Variants in DCLRE1B observed in about 807,000 individuals in gnomAD.
DCLRE1B encodes 5' exonuclease Apollo.
A neutral mutation model predicts 19.8 loss-of-function variants in DCLRE1B; 6 were observed. That is an observed-to-expected ratio of 0.30 (90% CI 0.17 to 0.60). DCLRE1B has a LOEUF of 0.60. Ranked by LOEUF, DCLRE1B falls within the 20% of genes least tolerant of loss-of-function variation. The pLI is 0.87. For synonymous variants in DCLRE1B, 258 were observed against 255.7 expected (o/e 1.01, Z -0.09); for missense variants, 622 against 654.2 (o/e 0.95, Z 0.54).
At chr1:113,910,471 C>T (rs1428079469) in intron 3 of DCLRE1B, among the ~76,000 whole-genome samples, 1 of 152,108 alleles carries the variant, frequency 6.6e-6, no homozygotes, top group Non-Finnish European at 1.5e-5. Context: ...TTCCCTAACT[C>T]CATCACCTGT....
At position 113,913,167 on chromosome 1, in the gene DCLRE1B, A is replaced by C. The variant is rs1173760452; in HGVS notation, c.*976A>C. ...CTGGCGGGAAGGGGTGGGGGTGTGC[A>C]GTCTGCCCTGTCCTTCTGCTCATAA... On this transcript the variant is annotated 3_prime_UTR_variant, in exon 4 of 4. Transcript: ENST00000650450. 1 of 153,044 alleles carries C rather than the reference A, an allele frequency of 6.5e-6. No homozygotes were observed. Among genetic ancestry groups the C allele is most frequent in the Non-Finnish European group, 1.5e-5 (1 of 68,296 alleles). 9.5% of individuals were successfully genotyped at this position (153,044 alleles called of 1,614,324 possible).
Position 113,911,212 on chromosome 1 carries a change from G to A in DCLRE1B, c.620G>A (p.Arg207His), listed in dbSNP as rs759540122. The A allele has an allele frequency of 9.3e-6, 15 of 1,613,978 alleles. No homozygotes were observed. The highest frequency in any genetic ancestry group is 3.3e-5 in the Admixed American group (2 of 59,996). ...FQTWVVLSPR[R>H]LELVQLLGLA... Reference sequence around the variant, plus strand: ...ACCTGGGTGGTATTGAGTCCTCGGCGCCTGGAGTTGGTACAGCTACTGGGC... The same window carrying A: ...ACCTGGGTGGTATTGAGTCCTCGGCACCTGGAGTTGGTACAGCTACTGGGC... The change falls in exon 4 of 4, where the codon CGC becomes CAC. Residue 207 changes from arginine (R) to histidine (H), a missense_variant. By Grantham distance (29) the Arg-to-His change is conservative. Transcript: ENST00000650450.
intron 2 of DCLRE1B, 144 bp downstream of exon 2, chr1:113,907,305 G>A (rs1388583551): frequency 5.4e-6 from 4 of 738,026 alleles, no homozygotes; most frequent in Middle Eastern, 4.1e-4. Context: ...CAATCCTCCC[G>A]CTTCAGCCTC....
chr1:113,907,234 T>TTTTTTTTTTTTTA (rs369506973), intron 2 of DCLRE1B, 73 bp downstream of exon 2: 3 of 991,288 alleles, frequency 3.0e-6, no homozygotes, highest in Non-Finnish European at 2.7e-6. Context: ...TTTTTTTTTT[T>TTTTTTTTTTTTTA]AATGTATAGA....
In DCLRE1B at chr1:113,905,799, G is replaced by C. The variant is rs748030037; in HGVS notation, c.189+24G>C. On this transcript the variant is annotated intron_variant, in intron 1 of 3. Coordinates refer to ENST00000650450, the MANE Select transcript of DCLRE1B (RefSeq NM_022836.4). ...AGGTATGGGGCTGGAGTCGGTCTCC[G>C]AGAGCTGGTCCAGGCATCTGGGTTG... 3 of 1,594,922 alleles carry C rather than the reference G, an allele frequency of 1.9e-6. No individual in the cohort carries two copies. In the Admixed American group the frequency reaches 5.2e-5, roughly 28 times the overall value.
At chr1:113,907,225 T>G (rs1669065972) in intron 2 of DCLRE1B, 64 bp downstream of exon 2, 2 of 1,332,056 alleles carry the variant, frequency 1.5e-6, no homozygotes, top group African/African-American at 1.8e-5. Context: ...TTTTTTTTTT[T>G]TTTTTTTTTA....
rs1669273804 is a variant in DCLRE1B at position 113,911,860 on chromosome 1, CTA to C, written c.1270_1271del (p.Met424ValfsTer16). On this transcript the variant is annotated frameshift_variant, in exon 4 of 4. Transcript: ENST00000650450. LOFTEE classifies it low-confidence loss of function (END_TRUNC). ...TTCTGTGAGTCTCAAAAGAGGGTGACTATGTTGACGGCCCCACTGGGATTTTC... is the reference window on the plus strand; with the variant it reads ...TTCTGTGAGTCTCAAAAGAGGGTGACTGTTGACGGCCCCACTGGGATTTTC... 6.2e-7 allele frequency: 1 copy of C among 1,614,228 alleles called. No individual in the cohort carries two copies. The highest frequency in any genetic ancestry group is 8.5e-7 in the Non-Finnish European group (1 of 1,180,044).
At position 113,912,034 on chromosome 1, in the gene DCLRE1B, C is replaced by A; in HGVS notation, c.1442C>A (p.Ser481Tyr). ...GNQSAWMGHG[S>Y]PLSHSSKGTP... ...CAGAGTGCCTGGATGGGCCATGGTTCTCCCCTGTCCCACAGCAGCAAGGGC... is the reference window on the plus strand; with the variant it reads ...CAGAGTGCCTGGATGGGCCATGGTTATCCCCTGTCCCACAGCAGCAAGGGC... Residue 481 changes from serine to tyrosine, a missense_variant, in exon 4 of 4, where the codon TCT becomes TAT. Transcript: ENST00000650450. 1 of 1,614,224 alleles carries A rather than the reference C, an allele frequency of 6.2e-7. No homozygotes were observed. The highest frequency in any genetic ancestry group is 8.5e-7 in the Non-Finnish European group (1 of 1,180,040).
chr1:113,907,625 A>G (rs1311910315), intron 2 of DCLRE1B, among the ~76,000 whole-genome samples: 1 of 151,632 alleles, frequency 6.6e-6, no homozygotes, highest in Admixed American at 6.6e-5. Flanking sequence ...GCCTGCCACC[A>G]CGCCCAGCTA....
chr1:113,904,647 G>C (rs1253444838), upstream of DCLRE1B: 2 of 1,613,544 alleles, frequency 1.2e-6, no homozygotes, highest in East Asian at 2.2e-5. Flanking sequence ...CAGCCTATCA[G>C]CTTGAATGTG....
intron 1 of DCLRE1B, 64 bp downstream of exon 1, chr1:113,905,839 C>A: frequency 6.6e-7 from 1 of 1,520,884 alleles, no homozygotes; most frequent in South Asian, 1.2e-5. Context: ...TTCAACCTGT[C>A]ATTCTTGGAG....
upstream of DCLRE1B, chr1:113,905,123 C>T: frequency 8.4e-6 from 3 of 355,992 alleles, no homozygotes; most frequent in South Asian, 2.4e-5. Flanking sequence ...TGCGGAAGTC[C>T]CGCCCCCTTG....
chr1:113,913,188 C>T lies in DCLRE1B; in HGVS notation c.*997C>T, dbSNP rs1032115336. On this transcript the variant is annotated 3_prime_UTR_variant, in exon 4 of 4. Transcript: ENST00000650450. ...GTGCAGTCTGCCCTGTCCTTCTGCT[C>T]ATAACCTGACAAAATGCCAAACTAG... 3 of 152,770 alleles carry T rather than the reference C, an allele frequency of 2.0e-5. No individual in the cohort carries two copies. Among genetic ancestry groups the T allele is most frequent in the African/African-American group, 7.2e-5 (3 of 41,392 alleles). The allele number at this position is 152,770 out of a possible 1,614,324, so 9.5% of individuals were successfully genotyped here.
rs1453518572 is a variant in DCLRE1B at position 113,913,476 on chromosome 1, C to G, written c.*1285C>G. On this transcript the variant is annotated 3_prime_UTR_variant, in exon 4 of 4. Coordinates refer to ENST00000650450, the MANE Select transcript of DCLRE1B (RefSeq NM_022836.4). The stretch of plus-strand genomic sequence containing the variant: ...ACCTTTGTTGTAAGTCTCCCAACGT[C>G]CTATTAGGAGCCACAGCAGGTGAGG... 2.6e-5 allele frequency: 4 copies of G among 152,784 alleles called. No individual in the cohort carries two copies. The highest frequency in any genetic ancestry group is 2.4e-5 in the African/African-American group (1 of 41,446). 9.5% of individuals were successfully genotyped at this position (152,784 alleles called of 1,614,324 possible).
chr1:113,913,393 G>C lies in DCLRE1B; in HGVS notation c.*1202G>C, dbSNP rs1669336270. On this transcript the variant is annotated 3_prime_UTR_variant, in exon 4 of 4. Transcript: ENST00000650450. ...AGTTTTCTGCTTTGAGAGAGAAATA[G>C]AGAGTTTAGAAAGCAATTGCTCTTG... 1 of 152,774 alleles carries C rather than the reference G, an allele frequency of 6.5e-6. No homozygotes were observed. Among genetic ancestry groups the C allele is most frequent in the Non-Finnish European group, 1.5e-5 (1 of 68,040 alleles). 9.5% of individuals were successfully genotyped at this position (152,774 alleles called of 1,614,324 possible). A position where few individuals can be genotyped will look rare whatever the true frequency, so the allele number is the denominator to read the frequency against.
At position 113,905,722 on chromosome 1, in the gene DCLRE1B, C is replaced by CG. The variant is rs751850180; in HGVS notation, c.138dup (p.Pro47AlafsTer20). ...CGTGGGCCTGTCTAGCACCTGGGCC[C>CG]GGCCCCTCTACTGCTCCCCAATTAC... is the stretch of plus-strand genomic sequence containing the variant. On this transcript the variant is annotated frameshift_variant, in exon 1 of 4. Coordinates refer to ENST00000650450, the MANE Select transcript of DCLRE1B (RefSeq NM_022836.4). LOFTEE classifies it high-confidence loss of function. The CG allele has an allele frequency of 6.2e-6, 10 of 1,614,172 alleles. No homozygotes were observed. Among genetic ancestry groups the CG allele is most frequent in the Non-Finnish European group, 8.5e-6 (10 of 1,180,030 alleles).
chr1:113,909,808 C>T (rs1300907101), intron 3 of DCLRE1B, among the ~76,000 whole-genome samples: 1 of 152,118 alleles, frequency 6.6e-6, no homozygotes, highest in Admixed American at 6.5e-5. Flanking sequence ...GGAGGGCTCA[C>T]AGTCTGGTAG....
At chr1:113,910,848 G>C (rs1315097056) in intron 3 of DCLRE1B, among the ~76,000 whole-genome samples, 1 of 152,116 alleles carries the variant, frequency 6.6e-6, no homozygotes, top group Admixed American at 6.5e-5. Flanking sequence ...GGGTCTCCTT[G>C]TAGATAGTAC....
chr1:113,911,738 T>C lies in DCLRE1B; in HGVS notation c.1146T>C (p.Pro382=), dbSNP rs1166330167. Residue 382 remains proline (P), a synonymous_variant, in exon 4 of 4, where the codon CCT becomes CCC. Transcript: ENST00000650450. ...KAKKEKLSPW[P]ADLEKQPSHH... is the part of the protein sequence containing the mutation. The stretch of plus-strand genomic sequence containing the variant: ...AGAAAGAGAAACTTTCTCCCTGGCC[T>C]GCGGACCTTGAAAAGCAGCCTTCCC... 6.2e-7 allele frequency: 1 copy of C among 1,614,068 alleles called. No individual in the cohort carries two copies. The highest frequency in any genetic ancestry group is 1.3e-5 in the African/African-American group (1 of 74,942).
Sources: gnomAD v4.1 joint callset for allele counts (sites outside exome capture counted in the v4.1 genomes callset) on GRCh38, gnomAD v4.1.1 for gene constraint, MANE v1.5 for transcripts, NCBI Gene and HGNC (gene_info 2026-07-23, HGNC 2026-07-21) for gene names.